PPWD1: variants seen among roughly 807,000 people sequenced by gnomAD.
PPWD1 encodes peptidylprolyl isomerase domain and WD repeat-containing protein 1.
A neutral mutation model predicts 68.8 loss-of-function variants in PPWD1; 43 were observed. That is an observed-to-expected ratio of 0.62 (90% CI 0.49 to 0.81). PPWD1 has a LOEUF of 0.81. PPWD1 is among the 30% of genes least tolerant of loss of function. The probability of loss-of-function intolerance (pLI) is 0.00; values close to 1 mark genes in which losing one functional copy is unlikely to be tolerated. For synonymous variants in PPWD1, 232 were observed against 258.7 expected, an observed-to-expected ratio of 0.90 and a Z score of 0.99; for missense variants, 672 against 804.8, an observed-to-expected ratio of 0.83 and a Z score of 2.00.
chr5:65,567,646 C>T (rs1441441520), intron 2 of PPWD1, 31 bp downstream of exon 2: 11 of 1,480,170 alleles, frequency 7.4e-6, no homozygotes, highest in African/African-American at 4.7e-5. Context: ...TTACTTTGTT[C>T]TGAGTTTATT....
chr5:65,572,360 C>CT, intron 5 of PPWD1, 74 bp downstream of exon 5: 1 of 1,360,694 alleles, frequency 7.3e-7, no homozygotes, highest in Non-Finnish European at 9.9e-7. Context: ...CTTGAAAGAT[C>CT]TTTTTTCTAC....
chr5:65,563,342 A>G lies in PPWD1; in HGVS notation c.32A>G (p.Gln11Arg), dbSNP rs1170445356. MAAESGSDFQ[Q>R]RRRRRRDPEE... is the part of the protein sequence containing the mutation. ...GCGGAAAGTGGTAGCGATTTTCAGCAGAGACGTAGAAGGCGCCGGGACCCG... is the reference window on the plus strand; with the variant it reads ...GCGGAAAGTGGTAGCGATTTTCAGCGGAGACGTAGAAGGCGCCGGGACCCG... The change falls in exon 1 of 11, where the codon CAG (glutamine) becomes CGG (arginine). Residue 11 changes from glutamine to arginine, a missense_variant. Transcript: ENST00000261308. 2.5e-6 allele frequency: 4 copies of G among 1,613,954 alleles called. No individual in the cohort carries two copies. The highest frequency in any genetic ancestry group is 1.7e-4 in the Middle Eastern group (1 of 6,060).
chr5:65,585,850 C>T, intron 9 of PPWD1, 149 bp from the exon 10 acceptor site: 1 of 1,248,548 alleles, frequency 8.0e-7, no homozygotes, highest in Non-Finnish European at 1.0e-6. Context: ...ATACATCATC[C>T]AAATTTAAGT....
intron 5 of PPWD1, among the ~76,000 whole-genome samples, chr5:65,574,624 C>T (rs1015426316): frequency 4.6e-5 from 7 of 151,306 alleles, no homozygotes; most frequent in Non-Finnish European, 7.4e-5. Flanking sequence ...CCACTGCGCC[C>T]GGCTAATTTT....
chr5:65,578,376 T>G lies in PPWD1; in HGVS notation c.1161-1048T>G, dbSNP rs13435940. Among the ~76,000 whole-genome samples, 512 of 152,342 alleles carry G rather than the reference T, an allele frequency of 3.4e-3. 4 individuals are homozygous for G. Among genetic ancestry groups the G allele is most frequent in the African/African-American group, 0.012 (492 of 41,566 alleles). On this transcript the variant is annotated intron_variant, in intron 6 of 10. Coordinates refer to ENST00000261308, the MANE Select transcript of PPWD1 (RefSeq NM_015342.4). Reference sequence around the variant, plus strand: ...ACCAAGGAGCACAATTGCTGGATCATATGGTAACAGAATGTTTAGTTTTGT... The same window carrying G: ...ACCAAGGAGCACAATTGCTGGATCAGATGGTAACAGAATGTTTAGTTTTGT...
intron 4 of PPWD1, 195 bp from the exon 5 acceptor site, chr5:65,571,644 G>T: frequency 1.9e-6 from 1 of 514,326 alleles, no homozygotes; most frequent in Middle Eastern, 9.9e-4. Context: ...TCATTATACT[G>T]ATGAGGTCAG....
intron 1 of PPWD1, among the ~76,000 whole-genome samples, chr5:65,567,009 G>A (rs1332775606): frequency 6.6e-6 from 1 of 151,976 alleles, no homozygotes; most frequent in Non-Finnish European, 1.5e-5. Flanking sequence ...ATTTTACCAT[G>A]TTTAAATGTT....
Position 65,572,158 on chromosome 5 carries a change from G to A in PPWD1, c.841G>A (p.Ala281Thr), listed in dbSNP as rs1196788300. The change falls in exon 5 of 11, where the codon GCT becomes ACT. Residue 281 changes from alanine to threonine, a missense_variant. Around this residue, in one of 2 missense-constraint regions of PPWD1, gnomAD observed 484 missense variants for 646.2 expected, o/e 0.75. Transcript: ENST00000261308. Reference sequence around the variant, plus strand: ...TTTATATGAATTTGCCAAGTGTAAGGCTTATCCAACCAGCGTATGTTTTTC... The same window carrying A: ...TTTATATGAATTTGCCAAGTGTAAGACTTATCCAACCAGCGTATGTTTTTC... ...TDLYEFAKCK[A>T]YPTSVCFSPD... is the part of the protein sequence containing the mutation. 1.2e-6 allele frequency: 2 copies of A among 1,614,026 alleles called. No homozygotes were observed. The highest frequency in any genetic ancestry group is 1.7e-6 in the Non-Finnish European group (2 of 1,179,942).
At chr5:65,567,306 C>A in intron 1 of PPWD1, 1 of 467,378 alleles carries the variant, frequency 2.1e-6, no homozygotes, top group Non-Finnish European at 2.8e-6. Context: ...TTGTAACTGA[C>A]TAAATAATGA....
At chr5:65,586,403 A>G (rs1753852726) in intron 10 of PPWD1, among the ~76,000 whole-genome samples, 1 of 152,214 alleles carries the variant, frequency 6.6e-6, no homozygotes, top group African/African-American at 2.4e-5. Flanking sequence ...ATGGACTACG[A>G]TTCAAGATAC....
intron 10 of PPWD1, among the ~76,000 whole-genome samples, chr5:65,586,754 T>A (rs755619342): frequency 2.0e-5 from 3 of 152,142 alleles, no homozygotes; most frequent in Non-Finnish European, 2.9e-5. Flanking sequence ...TCACAGTACT[T>A]CTACTATCAG....
intron 1 of PPWD1, among the ~76,000 whole-genome samples, chr5:65,565,243 G>A (rs942658467): frequency 3.3e-5 from 5 of 152,196 alleles, no homozygotes; most frequent in Non-Finnish European, 7.4e-5. Context: ...TTGTTTCATT[G>A]CTTGGTGTAC....
Position 65,587,317 on chromosome 5 carries a change from G to A in PPWD1, c.1862G>A (p.Arg621Lys), listed in dbSNP as rs201929411. ...RVTKGMEVVQ[R>K]ISNVKVNPKT... ...ACTAAAGGAATGGAAGTTGTACAGA[G>A]GATCTCCAACGTCAAAGTCAATCCC... The change falls in exon 11 of 11, where the codon AGG becomes AAG. Residue 621 changes from arginine to lysine, a missense_variant. This residue lies in a region of PPWD1 where 484 missense variants were observed against 646.2 expected (regional missense o/e 0.75). Coordinates refer to ENST00000261308, the MANE Select transcript of PPWD1 (RefSeq NM_015342.4). 2.2e-4 allele frequency: 351 copies of A among 1,612,580 alleles called. No homozygotes were observed. Among genetic ancestry groups the A allele is most frequent in the Non-Finnish European group, 2.7e-4 (323 of 1,179,070 alleles).
chr5:65,570,235 T>C (rs1752955620), intron 4 of PPWD1: 10 of 928,618 alleles, frequency 1.1e-5, no homozygotes, highest in African/African-American at 1.8e-5. Flanking sequence ...GGATTCCTTA[T>C]ATCCAAATTG....
intron 4 of PPWD1, 52 bp downstream of exon 4, chr5:65,570,050 A>G: frequency 1.3e-6 from 2 of 1,482,114 alleles, no homozygotes; most frequent in Non-Finnish European, 1.9e-6. Flanking sequence ...TAATTTGTAA[A>G]TCAGACTTTA....
intron 5 of PPWD1, among the ~76,000 whole-genome samples, chr5:65,573,731 G>A (rs1279436331): frequency 6.6e-6 from 1 of 150,414 alleles, no homozygotes; most frequent in Middle Eastern, 3.2e-3. Context: ...CATTTGATAT[G>A]GTCATATTAT....
chr5:65,564,023 G>T, intron 1 of PPWD1: 4 of 613,394 alleles, frequency 6.5e-6, no homozygotes, highest in Non-Finnish European at 1.1e-5. Context: ...AAGCTTCCTA[G>T]ATCACAGATT....
rs1304267719 is a variant in PPWD1 at position 65,573,481 on chromosome 5, T to TATATATATATATATATATATAA, written c.969+1195_969+1196insATATATATATATATATATATAA. Among the ~76,000 whole-genome samples, 827 of 93,334 alleles carry TATATATATATATATATATATAA rather than the reference T, an allele frequency of 8.9e-3. 44 individuals are homozygous for TATATATATATATATATATATAA. The highest frequency in any genetic ancestry group is 0.017 in the African/African-American group (329 of 19,274). 61.2% of individuals were successfully genotyped at this position (93,334 alleles called of 152,430 possible). A position where few individuals can be genotyped will look rare whatever the true frequency, so the allele number is the denominator to read the frequency against. ...CTAATATATATATATATATATTTTTTTTTTATTAGAGATGGGTTTTTTTTA... is the reference window on the plus strand; with the variant it reads ...CTAATATATATATATATATATTTTTTATATATATATATATATATATAATTTTATTAGAGATGGGTTTTTTTTA... On this transcript the variant is annotated intron_variant, in intron 5 of 10. Coordinates refer to ENST00000261308, the MANE Select transcript of PPWD1 (RefSeq NM_015342.4).
rs1280206441 is a variant in PPWD1 at position 65,587,490 on chromosome 5, T to C, written c.*94T>C. The C allele has an allele frequency of 5.1e-6, 5 of 981,078 alleles. No individual in the cohort carries two copies. The East Asian group carries it at 1.2e-4, about 24-fold the overall frequency. The allele number at this position is 981,078 out of a possible 1,614,324, so 60.8% of individuals were successfully genotyped here. ...GCTTAGGACTTGCTGAATATACAGA[T>C]CATGTTTCAAAGATACAGTATTTTT... On this transcript the variant is annotated 3_prime_UTR_variant, in exon 11 of 11. Transcript: ENST00000261308.
Sources: gnomAD v4.1 joint callset for allele counts (sites outside exome capture counted in the v4.1 genomes callset) on GRCh38, gnomAD v4.1.1 for gene constraint, gnomAD v4.1.1 regional missense constraint, MANE v1.5 for transcripts, NCBI Gene and HGNC (gene_info 2026-07-23, HGNC 2026-07-21) for gene names.